Variants in ADAM22 observed in about 807,000 individuals in gnomAD.
ADAM22 encodes ADAM metallopeptidase domain 22.
In ADAM22, 65 loss-of-function variants were observed where a neutral mutation model predicts 144.6. The ratio of observed to expected loss-of-function variants is 0.45; its 90% CI spans 0.37 to 0.55. ADAM22 has a LOEUF of 0.55. Ranked by LOEUF, ADAM22 falls within the 20% of genes least tolerant of loss-of-function variation. The pLI is 0.00. For missense variants in ADAM22, 974 were observed against 1,184.9 expected (o/e 0.82, Z 2.61); for synonymous variants, 391 against 412.6 (o/e 0.95, Z 0.63).
intron 3 of ADAM22, among the ~76,000 whole-genome samples, chr7:87,979,051 G>T (rs112623899): frequency 6.6e-6 from 1 of 152,086 alleles, no homozygotes; most frequent in Non-Finnish European, 1.5e-5. Context: ...TTTAAAAAAG[G>T]GTTTCTATCC....
intron 3 of ADAM22, among the ~76,000 whole-genome samples, chr7:88,041,317 A>T (rs1374348957): frequency 6.6e-6 from 1 of 152,018 alleles, no homozygotes; most frequent in Admixed American, 6.5e-5. Flanking sequence ...AATGGTAGTG[A>T]GTGCCATCAT....
chr7:87,953,962 A>C (rs1423889600), intron 2 of ADAM22, among the ~76,000 whole-genome samples: 1 of 151,818 alleles, frequency 6.6e-6, no homozygotes, highest in Non-Finnish European at 1.5e-5. Flanking sequence ...CTAGGATTGC[A>C]ACCCCTGCCT....
chr7:88,045,477 T>C (rs974909357), intron 3 of ADAM22, among the ~76,000 whole-genome samples: 19 of 152,228 alleles, frequency 1.2e-4, no homozygotes, highest in African/African-American at 4.3e-4. Flanking sequence ...TTGATGTATG[T>C]ACATACTGTG....
chr7:88,118,659 A>ATC (rs1828453692), intron 7 of ADAM22, among the ~76,000 whole-genome samples: 1 of 147,528 alleles, frequency 6.8e-6, no homozygotes, highest in South Asian at 2.2e-4. Flanking sequence ...ATCTATCTAT[A>ATC]TATATATATA....
At chr7:88,096,819 A>G (rs1821461918) in intron 4 of ADAM22, among the ~76,000 whole-genome samples, 1 of 152,174 alleles carries the variant, frequency 6.6e-6, no homozygotes, top group Admixed American at 6.5e-5. Flanking sequence ...AACATAAGTA[A>G]CAGAAATAGT....
intron 5 of ADAM22, among the ~76,000 whole-genome samples, chr7:88,113,703 A>ATATATATATATATATATATAT (rs1554478728): frequency 4.2e-5 from 2 of 48,106 alleles, no homozygotes; most frequent in African/African-American, 8.0e-5. Context: ...TAAATAAATA[A>ATATATATATATATATATATAT]ATATATATAT....
At position 87,934,276 on chromosome 7, in the gene ADAM22, A is replaced by C. The variant is rs1475926511; in HGVS notation, c.-190A>C. 3.8e-6 allele frequency: 2 copies of C among 519,512 alleles called. No homozygotes were observed. The highest frequency in any genetic ancestry group is 2.8e-5 in the South Asian group (1 of 36,214). 32.2% of individuals were successfully genotyped at this position (519,512 alleles called of 1,614,324 possible). ...ACTCGCTCGCTCCCCCCGCCAGCGG[A>C]AGCGTCCGCGAAGCACAATGCAGCA... On this transcript the variant is annotated 5_prime_UTR_variant, in exon 1 of 32. Coordinates refer to ENST00000413139, the MANE Select transcript of ADAM22 (RefSeq NM_001324418.2).
rs536608197 is a variant in ADAM22, at chr7:88,062,624, T to G, written c.324-13002T>G. ...AGCATTTTTAATTTCCTTCAAGAAC[T>G]TTTCCTTTGCATTCACAACTTGGCT... On this transcript the variant is annotated intron_variant, in intron 3 of 31. Transcript: ENST00000413139. Among the ~76,000 whole-genome samples the G allele has an allele frequency of 1.3e-4, 20 of 152,352 alleles. 1 individual carries two copies. The highest frequency in any genetic ancestry group is 2.4e-4 in the Non-Finnish European group (16 of 68,032).
chr7:88,180,473 G>C (rs1163634946), intron 27 of ADAM22, among the ~76,000 whole-genome samples: 1 of 152,014 alleles, frequency 6.6e-6, no homozygotes, highest in Non-Finnish European at 1.5e-5. Context: ...AATTCATATG[G>C]AGTAGTTGTG....
intron 3 of ADAM22, among the ~76,000 whole-genome samples, chr7:88,056,222 C>T (rs148187495): frequency 2.0e-3 from 299 of 152,152 alleles, no homozygotes; most frequent in African/African-American, 6.8e-3. Context: ...TAGAAAAGGA[C>T]AATGCTTAAT....
chr7:88,074,503 C>A (rs1431137735), intron 3 of ADAM22, among the ~76,000 whole-genome samples: 1 of 152,048 alleles, frequency 6.6e-6, no homozygotes, highest in Admixed American at 6.5e-5. Flanking sequence ...TATGCTAGAC[C>A]TGGAATTTCA....
At chr7:87,944,391 CAG>C (rs978097928) in intron 2 of ADAM22, among the ~76,000 whole-genome samples, 12 of 152,156 alleles carry the variant, frequency 7.9e-5, no homozygotes, top group African/African-American at 2.4e-4. Context: ...TACCACTTGA[CAG>C]AACCTGGTTC....
At position 88,073,921 on chromosome 7, in the gene ADAM22, A is replaced by G. The variant is rs115764629; in HGVS notation, c.324-1705A>G. ...CTCACAAACAGTCATGAGTTCTGTTATGTTTATTGGACAGATAACAAATGG... is the reference window on the plus strand; with the variant it reads ...CTCACAAACAGTCATGAGTTCTGTTGTGTTTATTGGACAGATAACAAATGG... On this transcript the variant is annotated intron_variant, in intron 3 of 31. Coordinates refer to ENST00000413139, the MANE Select transcript of ADAM22 (RefSeq NM_001324418.2). 2.9e-3 allele frequency among the ~76,000 whole-genome samples: 446 copies of G among 152,334 alleles called. 2 individuals are homozygous for G. The highest frequency in any genetic ancestry group is 0.01 in the African/African-American group (431 of 41,578).
chr7:88,139,855 T>C (rs1834095362), intron 14 of ADAM22, among the ~76,000 whole-genome samples: 3 of 152,156 alleles, frequency 2.0e-5, no homozygotes. Context: ...TCAATCTGAT[T>C]GGATACTGGA....
At position 88,168,383 on chromosome 7, in the gene ADAM22, G is replaced by A. The variant is rs748500246; in HGVS notation, c.2282+156G>A. On this transcript the variant is annotated intron_variant, in intron 25 of 31. Transcript: ENST00000413139. The stretch of plus-strand genomic sequence containing the variant: ...CCAGTCAATGCTTATTCTTGGCATG[G>A]CGAGAAGTGATAATAACATCATTTT... 1.6e-5 allele frequency: 12 copies of A among 740,672 alleles called. No individual in the cohort carries two copies. In the South Asian group the frequency reaches 1.7e-4, roughly 11 times the overall value. The allele number at this position is 740,672 out of a possible 1,614,324, so 45.9% of individuals were successfully genotyped here. A position where few individuals can be genotyped will look rare whatever the true frequency, so the allele number is the denominator to read the frequency against.
At chr7:88,162,892 T>C (rs1842064134) in intron 22 of ADAM22, 120 bp from the exon 23 acceptor site, 3 of 986,474 alleles carry the variant, frequency 3.0e-6, no homozygotes, top group Non-Finnish European at 4.5e-6. Flanking sequence ...ATGCTACTGG[T>C]CTTTAATAAG....
intron 3 of ADAM22, among the ~76,000 whole-genome samples, chr7:88,052,091 G>T (rs967065832): frequency 6.6e-6 from 1 of 151,974 alleles, no homozygotes; most frequent in Non-Finnish European, 1.5e-5. Flanking sequence ...TCCACCATGG[G>T]CCGTTTACTG....
At chr7:88,081,832 A>G (rs1427940941) in intron 4 of ADAM22, among the ~76,000 whole-genome samples, 4 of 148,164 alleles carry the variant, frequency 2.7e-5, no homozygotes, top group African/African-American at 5.0e-5. Flanking sequence ...TCAAGGAAAT[A>G]AAAGAGGATA....
At chr7:88,123,033 A>G (rs1233510541) in intron 7 of ADAM22, among the ~76,000 whole-genome samples, 1 of 152,152 alleles carries the variant, frequency 6.6e-6, no homozygotes, top group African/African-American at 2.4e-5. Context: ...GGATCATATA[A>G]TTTTCTCCTT....
Sources: allele counts gnomAD v4.1 joint callset (sites outside exome capture counted in the v4.1 genomes callset), GRCh38; gene constraint gnomAD v4.1.1; transcripts MANE v1.5; gene names NCBI Gene and HGNC (gene_info 2026-07-23, HGNC 2026-07-21).